PDZD2: variants seen among roughly 807,000 people sequenced by gnomAD.
PDZD2 encodes the protein PDZ domain-containing protein 2.
PDZD2 carries 90 observed loss-of-function variants against 220.7 expected under a neutral mutation model. That is an observed-to-expected ratio of 0.41 (90% CI 0.34 to 0.49). PDZD2 has a LOEUF of 0.49. PDZD2 is among the 20% of genes least tolerant of loss of function. PDZD2 has a pLI of 0.28. For synonymous variants in PDZD2, 1,375 were observed against 1,450.5 expected (o/e 0.95, Z 1.18); for missense variants, 3,174 against 3,608.5 (o/e 0.88, Z 3.08).
intron 23 of PDZD2, 183 bp from the exon 24 acceptor site, chr5:32,100,922 T>G: frequency 6.3e-7 from 1 of 1,595,104 alleles, no homozygotes. Flanking sequence ...AGCCCCAGAA[T>G]TGGGAGGCCA....
chr5:32,092,884 T>C (rs768449300), intron 20 of PDZD2, 23 bp from the exon 21 acceptor site: 3 of 1,191,138 alleles, frequency 2.5e-6, no homozygotes, highest in Non-Finnish European at 2.4e-6. Flanking sequence ...TTAATGTTCT[T>C]CAAATATATT....
intron 1 of PDZD2, among the ~76,000 whole-genome samples, chr5:31,678,356 C>T (rs879844026): frequency 1.3e-4 from 20 of 152,176 alleles, no homozygotes; most frequent in African/African-American, 2.9e-4. Context: ...TATGTCCCTA[C>T]GTTGGAAGCA....
chr5:31,873,204 C>T (rs1453353730), intron 2 of PDZD2, among the ~76,000 whole-genome samples: 1 of 151,992 alleles, frequency 6.6e-6, no homozygotes, highest in Admixed American at 6.6e-5. Context: ...GAGACTGAGG[C>T]AGGAGAATTG....
chr5:31,922,817 C>T lies in PDZD2; in HGVS notation c.477-60338C>T, dbSNP rs191503543. Reference sequence around the variant, plus strand: ...CCTCAGCCTCCTGAGTAGCTGGGACCGTAGGCATGCACCTCCAGGCCCAGC... The same window carrying T: ...CCTCAGCCTCCTGAGTAGCTGGGACTGTAGGCATGCACCTCCAGGCCCAGC... On this transcript the variant is annotated intron_variant, in intron 2 of 24. Coordinates refer to ENST00000438447, the MANE Select transcript of PDZD2 (RefSeq NM_178140.4). Among the ~76,000 whole-genome samples the T allele has an allele frequency of 3.2e-3, 489 of 152,220 alleles. 7 individuals are homozygous for T. The highest frequency in any genetic ancestry group is 0.011 in the African/African-American group (461 of 41,542).
At chr5:32,032,387 A>C (rs961010045) in intron 6 of PDZD2, among the ~76,000 whole-genome samples, 2 of 152,102 alleles carry the variant, frequency 1.3e-5, no homozygotes, top group African/African-American at 4.8e-5. Context: ...TGTGTAAATC[A>C]GTGGCCACGT....
intron 1 of PDZD2, among the ~76,000 whole-genome samples, chr5:31,709,494 TA>T (rs1338394055): frequency 6.5e-4 from 47 of 72,016 alleles, no homozygotes; most frequent in African/African-American, 1.1e-3. Flanking sequence ...GGAAAAAAAA[TA>T]AAATAAAAGG....
intron 2 of PDZD2, among the ~76,000 whole-genome samples, chr5:31,889,947 G>C (rs184181054): frequency 2.0e-5 from 3 of 151,536 alleles, no homozygotes; most frequent in African/African-American, 7.3e-5. Flanking sequence ...GCTTGAACCC[G>C]GGGGGGCAGA....
At chr5:31,842,974 T>C (rs545443301) in intron 2 of PDZD2, among the ~76,000 whole-genome samples, 112 of 152,012 alleles carry the variant, frequency 7.4e-4, no homozygotes, top group Non-Finnish European at 1.4e-3. Context: ...CTCTGCCTCC[T>C]GGGTTCAAGT....
In PDZD2 at chr5:31,799,045, A is replaced by C; in HGVS notation, c.-204A>C. 1.8e-6 allele frequency: 1 copy of C among 570,940 alleles called. No homozygotes were observed. Among genetic ancestry groups the C allele is most frequent in the Non-Finnish European group, 3.1e-6 (1 of 320,504 alleles). The allele number at this position is 570,940 out of a possible 1,614,324, so 35.4% of individuals were successfully genotyped here. On this transcript the variant is annotated 5_prime_UTR_variant, in exon 2 of 25. Transcript: ENST00000438447. ...GAGCACTCCAGTGCCATTGTTCCACAGTTGTTCTAATTGGGTCCTAGCTTC... is the reference window on the plus strand; with the variant it reads ...GAGCACTCCAGTGCCATTGTTCCACCGTTGTTCTAATTGGGTCCTAGCTTC...
intron 2 of PDZD2, among the ~76,000 whole-genome samples, chr5:31,888,609 C>T (rs893697652): frequency 1.3e-5 from 2 of 152,178 alleles, no homozygotes; most frequent in African/African-American, 4.8e-5. Flanking sequence ...TTATACTCTA[C>T]AAGGCATGTG....
intron 2 of PDZD2, among the ~76,000 whole-genome samples, chr5:31,868,553 C>T (rs955652488): frequency 6.6e-6 from 1 of 152,128 alleles, no homozygotes; most frequent in African/African-American, 2.4e-5. Flanking sequence ...TTGTCACTCC[C>T]TCATAGGTTC....
Position 31,691,417 on chromosome 5 carries a change from G to A in PDZD2, c.-361+51980G>A, listed in dbSNP as rs945355074. Reference sequence around the variant, plus strand: ...AACAAAGCTCCCGTAGAGTGGAAGGGGGCCCGAACAGGTTGCCACTGCTGG... The same window carrying A: ...AACAAAGCTCCCGTAGAGTGGAAGGAGGCCCGAACAGGTTGCCACTGCTGG... On this transcript the variant is annotated intron_variant, in intron 1 of 24. Transcript: ENST00000438447. Among the ~76,000 whole-genome samples, 7 of 152,186 alleles carry A rather than the reference G, an allele frequency of 4.6e-5. No homozygotes were observed. The South Asian group carries it at 1.5e-3, about 32-fold the overall frequency.
intron 2 of PDZD2, among the ~76,000 whole-genome samples, chr5:31,959,201 G>T (rs913374375): frequency 3.3e-5 from 5 of 151,520 alleles, no homozygotes; most frequent in African/African-American, 1.2e-4. Context: ...AAAGTGCTGG[G>T]ATTACAGGCA....
intron 1 of PDZD2, among the ~76,000 whole-genome samples, chr5:31,685,563 G>A (rs566408423): frequency 4.2e-4 from 64 of 152,136 alleles, no homozygotes; most frequent in African/African-American, 1.4e-3. Context: ...TTACTCTGTC[G>A]CCCAGGCTGG....
At chr5:32,027,423 T>G (rs1178894177) in intron 6 of PDZD2, among the ~76,000 whole-genome samples, 2 of 152,192 alleles carry the variant, frequency 1.3e-5, no homozygotes, top group African/African-American at 4.8e-5. Flanking sequence ...TTAAGCCCAT[T>G]CAAATTGTTT....
At chr5:32,019,863 G>C (rs7708894) in intron 6 of PDZD2, among the ~76,000 whole-genome samples, 26,829 of 151,856 alleles carry the variant, frequency 0.18, 2,507 homozygotes, top group African/African-American at 0.24. Flanking sequence ...TTTCTCACGG[G>C]AGGTAAGTTT....
rs776400734 is a variant in PDZD2 at position 32,088,610 on chromosome 5, C to G, written c.5162C>G (p.Pro1721Arg). ...AAAGTAGCCAGGCATTTTCACAGTC[C>G]GCCCATCATTCTCAGCTCCCCCAAC... ...LSKVARHFHS[P>R]PIILSSPNMV... Residue 1721 changes from proline to arginine, a missense_variant, in exon 20 of 25, where the codon CCG becomes CGG. Transcript: ENST00000438447. This position sits in a 1 kb window ranked among gnomAD's most constrained non-coding sequence, Gnocchi z 4.6. 2.5e-6 allele frequency: 4 copies of G among 1,613,988 alleles called. No individual in the cohort carries two copies. Among genetic ancestry groups the G allele is most frequent in the Non-Finnish European group, 3.4e-6 (4 of 1,179,972 alleles).
At chr5:31,867,434 G>A (rs368823736) in intron 2 of PDZD2, among the ~76,000 whole-genome samples, 35 of 152,304 alleles carry the variant, frequency 2.3e-4, no homozygotes, top group African/African-American at 8.2e-4. Context: ...TGGAGCCAGA[G>A]CCTCAGCCTC....
intron 1 of PDZD2, among the ~76,000 whole-genome samples, chr5:31,667,693 T>C (rs1261526372): frequency 2.0e-5 from 3 of 151,862 alleles, no homozygotes; most frequent in Non-Finnish European, 4.4e-5. Context: ...CTCCCCTTCA[T>C]TGCAGCGATC....
Sources: allele counts gnomAD v4.1 joint callset (sites outside exome capture counted in the v4.1 genomes callset), GRCh38; gene constraint gnomAD v4.1.1; non-coding constraint Gnocchi (gnomAD v3.1); transcripts MANE v1.5; gene names NCBI Gene and HGNC (gene_info 2026-07-23, HGNC 2026-07-21).